Variants in ZNF106 observed in about 807,000 individuals in gnomAD.
ZNF106 encodes the protein SH3-domain binding protein 3.
Under a neutral mutation model 195.1 loss-of-function variants are expected in ZNF106, and 67 were observed. The observed-to-expected ratio is 0.34, with a 90% confidence interval of 0.28 to 0.42. ZNF106 has a LOEUF of 0.42. Ranked by LOEUF, ZNF106 falls within the 10% of genes least tolerant of loss-of-function variation. ZNF106 has a pLI of 1.00. For missense variants in ZNF106, 2,118 were observed against 2,304.5 expected (o/e 0.92, Z 1.66); for synonymous variants, 784 against 818.6 (o/e 0.96, Z 0.72).
Position 42,475,306 on chromosome 15 carries a change from G to A in ZNF106, c.-32-2985C>T, listed in dbSNP as rs578201818. 3.3e-5 allele frequency among the ~76,000 whole-genome samples: 5 copies of A among 152,192 alleles called. No individual in the cohort carries two copies. The East Asian group carries it at 9.7e-4, about 29-fold the overall frequency. On this transcript the variant is annotated intron_variant, in intron 1 of 21. Transcript: ENST00000564754. Reference sequence around the variant, plus strand: ...AAAATACAAAAATTAGCTGGGTATGGTGGCACGTGCCTGTAATCCCAGCTA... The same window carrying A: ...AAAATACAAAAATTAGCTGGGTATGATGGCACGTGCCTGTAATCCCAGCTA...
At position 42,422,518 on chromosome 15, in the gene ZNF106, G is replaced by T; in HGVS notation, c.5356C>A (p.Arg1786Ser). ...AATTCTACCTGTAATTCATAGACAC[G>T]AACAAATTTATCCAGGCAAGCAGTC... ...MVTACLDKFVRVYELQSHDRL... is the reference protein window; with the variant it reads ...MVTACLDKFVSVYELQSHDRL... The change falls in exon 18 of 22, where the codon CGT (arginine) becomes AGT (serine). Residue 1786 changes from arginine to serine, a missense_variant. Arg to Ser is a moderately radical substitution (Grantham distance 110). Coordinates refer to ENST00000564754, the MANE Select transcript of ZNF106 (RefSeq NM_001366845.3). 1 of 1,612,762 alleles carries T rather than the reference G, an allele frequency of 6.2e-7. No homozygotes were observed.
chr15:42,478,186 CAG>C (rs534509102), intron 1 of ZNF106, among the ~76,000 whole-genome samples: 48 of 152,110 alleles, frequency 3.2e-4, no homozygotes, highest in Admixed American at 2.9e-3. Context: ...TTTTTTGAGA[CAG>C]AGTCTCACTC....
Position 42,428,080 on chromosome 15 carries a change from T to C in ZNF106, c.4936A>G (p.Ser1646Gly), listed in dbSNP as rs2054920051. The C allele has an allele frequency of 1.2e-6, 2 of 1,614,188 alleles. No homozygotes were observed. The highest frequency in any genetic ancestry group is 8.5e-7 in the Non-Finnish European group (1 of 1,180,012). ...CCCGCATAGAGGATTCGCCATCTACTGTGGAGGCAGAGGACCCGGTCTTCC... is the reference window on the plus strand; with the variant it reads ...CCCGCATAGAGGATTCGCCATCTACCGTGGAGGCAGAGGACCCGGTCTTCC... The part of the protein sequence containing the change: ...QLEDRVLCLH[S>G]RWRILYAGLA... The change falls in exon 15 of 22, where the codon AGT becomes GGT. Residue 1646 changes from serine (S) to glycine (G), a missense_variant. Physicochemically the swap from Ser to Gly is moderately conservative, Grantham distance 56 (BLOSUM62 0). Coordinates refer to ENST00000564754, the MANE Select transcript of ZNF106 (RefSeq NM_001366845.3).
chr15:42,442,600 T>C (rs1185749047), intron 9 of ZNF106, among the ~76,000 whole-genome samples, 186 bp from the exon 10 acceptor site: 3 of 150,654 alleles, frequency 2.0e-5, no homozygotes, highest in South Asian at 2.1e-4. Flanking sequence ...ACAGAGAGAA[T>C]AGGCATCAAC....
intron 10 of ZNF106, among the ~76,000 whole-genome samples, chr15:42,440,019 C>G (rs1310385567): frequency 6.6e-6 from 1 of 152,224 alleles, no homozygotes; most frequent in African/African-American, 2.4e-5. Context: ...CTCACAAACA[C>G]TGTGTGTCTT....
intron 1 of ZNF106, among the ~76,000 whole-genome samples, chr15:42,477,975 GTTAT>G (rs909302210): frequency 6.6e-5 from 10 of 151,250 alleles, no homozygotes; most frequent in Admixed American, 3.3e-4. Flanking sequence ...TTGATACACT[GTTAT>G]TTATTTATTT....
chr15:42,464,213 G>A lies in ZNF106; in HGVS notation c.116+1840C>T, dbSNP rs144454388. 3.2e-3 allele frequency among the ~76,000 whole-genome samples: 469 copies of A among 147,646 alleles called. 3 individuals are homozygous for A. The highest frequency in any genetic ancestry group is 0.011 in the African/African-American group (447 of 41,260). ...AAATTAGCCGGATGTGGTGACGCAC[G>A]CCTGTAATCCCAGCTACTCAGGAGG... On this transcript the variant is annotated intron_variant, in intron 3 of 21. Coordinates refer to ENST00000564754, the MANE Select transcript of ZNF106 (RefSeq NM_001366845.3).
chr15:42,417,832 A>G lies in ZNF106; in HGVS notation c.5637T>C (p.Phe1879=). The G allele has an allele frequency of 6.2e-7, 1 of 1,614,004 alleles. No homozygotes were observed. The highest frequency in any genetic ancestry group is 8.5e-7 in the Non-Finnish European group (1 of 1,179,940). The stretch of plus-strand genomic sequence containing the variant: ...GTTTGGATCCTTTCCTAGCAGTGAA[A>G]AAAGCATCGCAGTTCTTCCAGCGAC... ...LKCRWKNCDA[F]FTARKGSKQD... Residue 1879 remains phenylalanine, a synonymous_variant, in exon 21 of 22, where the codon TTT becomes TTC. Transcript: ENST00000564754.
intron 13 of ZNF106, among the ~76,000 whole-genome samples, chr15:42,436,972 C>T (rs1488238556): frequency 6.6e-6 from 1 of 152,180 alleles, no homozygotes; most frequent in Admixed American, 6.5e-5. Flanking sequence ...ACTCCAGTGG[C>T]TCCTGACATT....
At chr15:42,440,243 T>C (rs1273715973) in intron 10 of ZNF106, among the ~76,000 whole-genome samples, 1 of 152,228 alleles carries the variant, frequency 6.6e-6, no homozygotes, top group East Asian at 1.9e-4. Context: ...TTTGCTGACT[T>C]AGAAATGTCA....
chr15:42,438,706 G>C (rs371178776), intron 11 of ZNF106, 39 bp from the exon 12 acceptor site: 3 of 1,593,598 alleles, frequency 1.9e-6, no homozygotes, highest in African/African-American at 2.7e-5. Flanking sequence ...GCATCTGTGT[G>C]AACAGGGCAG....
Position 42,450,052 on chromosome 15 carries a change from A to G in ZNF106, c.2220T>C (p.Pro740=), listed in dbSNP as rs749368578. The part of the protein sequence containing the change: ...DISQPSGPLL[P]ELSKLGFPAS... The stretch of plus-strand genomic sequence containing the variant: ...CAGGAAAGCCAAGCTTACTTAGTTC[A>G]GGCAGGAGAGGGCCCGAGGGCTGAC... Residue 740 remains proline (P), a synonymous_variant, in exon 5 of 22, where the codon CCT becomes CCC. Coordinates refer to ENST00000564754, the MANE Select transcript of ZNF106 (RefSeq NM_001366845.3). 6.2e-7 allele frequency: 1 copy of G among 1,614,110 alleles called. No homozygotes were observed. The highest frequency in any genetic ancestry group is 1.3e-5 in the African/African-American group (1 of 74,934).
At chr15:42,490,224 T>A (rs1368103198) in intron 1 of ZNF106, 1 of 148,112 alleles carries the variant, frequency 6.8e-6, no homozygotes, top group South Asian at 2.1e-4. Context: ...AGCGAAACTT[T>A]GTCTCAAAAA....
In ZNF106 at chr15:42,435,457, G is replaced by A; in HGVS notation, c.4808C>T (p.Thr1603Ile). ...GGCAGCATTCTTCCCGGAGGTCTGA[G>A]TAACCAGGAGGCAGTTAACTTTGGA... ...HTSKVNCLLV[T>I]QTSGKNAALY... Residue 1603 changes from threonine to isoleucine, a missense_variant, in exon 14 of 22, where the codon ACT (threonine) becomes ATT (isoleucine). Thr to Ile is a moderately conservative substitution (Grantham distance 89). Coordinates refer to ENST00000564754, the MANE Select transcript of ZNF106 (RefSeq NM_001366845.3). 6.2e-7 allele frequency: 1 copy of A among 1,614,224 alleles called. No individual in the cohort carries two copies. The highest frequency in any genetic ancestry group is 1.1e-5 in the South Asian group (1 of 91,084).
intron 4 of ZNF106, among the ~76,000 whole-genome samples, chr15:42,453,006 T>G (rs547955596): frequency 6.6e-6 from 1 of 152,256 alleles, no homozygotes; most frequent in African/African-American, 2.4e-5. Flanking sequence ...GTTATCATAT[T>G]TAGTACAATT....
Position 42,413,400 on chromosome 15 carries a change from TA to T in ZNF106, c.*3903del, listed in dbSNP as rs1334349817. On this transcript the variant is annotated 3_prime_UTR_variant, in exon 22 of 22. Transcript: ENST00000564754. ...ATAAATGTGGCAGGTATGGCCTTCG[TA>T]ATTCTAGAAGCTCCCGTTTAGGTAA... 1.3e-5 allele frequency: 2 copies of T among 152,298 alleles called. No individual in the cohort carries two copies. The highest frequency in any genetic ancestry group is 2.9e-5 in the Non-Finnish European group (2 of 68,034). 9.4% of individuals were successfully genotyped at this position (152,298 alleles called of 1,614,324 possible).
At position 42,435,520 on chromosome 15, in the gene ZNF106, TA is replaced by T. The variant is rs1204751818; in HGVS notation, c.4747-3del. On this transcript the variant is annotated splice_region_variant and splice_polypyrimidine_tract_variant and intron_variant, in intron 13 of 21. Transcript: ENST00000564754. ...AAAGACACCAATACATTTCCGACTCTAAAGTTTAAGCACAGACCAGATTATT... is the reference window on the plus strand; with the variant it reads ...AAAGACACCAATACATTTCCGACTCTAAGTTTAAGCACAGACCAGATTATT... 6.2e-7 allele frequency: 1 copy of T among 1,614,198 alleles called. No individual in the cohort carries two copies.
chr15:42,482,522 GTTTTTTTTTTT>G (rs905219332), intron 1 of ZNF106, among the ~76,000 whole-genome samples: 1 of 82,552 alleles, frequency 1.2e-5, no homozygotes, highest in Non-Finnish European at 2.2e-5. Flanking sequence ...GAAATCTCCA[GTTTTTTTTTTT>G]TTTTTTTTTT....
intron 1 of ZNF106, among the ~76,000 whole-genome samples, chr15:42,489,433 T>A (rs1310288835): frequency 2.6e-5 from 4 of 151,972 alleles, no homozygotes; most frequent in African/African-American, 9.7e-5. Context: ...CGCCTCGGCC[T>A]CCCAGAGTGC....
Sources: allele counts gnomAD v4.1 joint callset (sites outside exome capture counted in the v4.1 genomes callset), GRCh38; gene constraint gnomAD v4.1.1; transcripts MANE v1.5; gene names NCBI Gene and HGNC (gene_info 2026-07-23, HGNC 2026-07-21).